Variants in CDK14 observed in about 807,000 individuals in gnomAD.
The protein encoded by CDK14 is cyclin-dependent kinase 14.
CDK14 carries 34 observed loss-of-function variants against 60.7 expected under a neutral mutation model. The ratio of observed to expected loss-of-function variants is 0.56; its 90% CI spans 0.43 to 0.75. The LOEUF (loss-of-function observed/expected upper bound fraction) is 0.75, where lower values mean the gene tolerates loss of function less well. Ranked by LOEUF, CDK14 falls within the 30% of genes least tolerant of loss-of-function variation. The probability of loss-of-function intolerance (pLI) is 0.00; values close to 1 mark genes in which losing one functional copy is unlikely to be tolerated. For missense variants in CDK14, 482 were observed against 564.1 expected (o/e 0.85, Z 1.47); for synonymous variants, 197 against 203.7 (o/e 0.97, Z 0.28).
rs1400888611 is a variant in CDK14, at chr7:90,987,810, CTGT to C, written c.1041+3570_1041+3572del. 2.0e-5 allele frequency among the ~76,000 whole-genome samples: 3 copies of C among 152,044 alleles called. No homozygotes were observed. In the East Asian group the frequency reaches 5.8e-4, roughly 29 times the overall value. On this transcript the variant is annotated intron_variant, in intron 10 of 14. Transcript: ENST00000380050. ...AGTAATTAGATCCACTTTAACAGGC[CTGT>C]AGTATAAACTGCCAGAGACTCTTTT...
rs142542898 is a variant in CDK14 at position 90,653,357 on chromosome 7, C to T, written c.123+49108C>T. ...GTGACCCGTTTTAATTTTTTTCAGT[C>T]TATTAACAGCTATATAATCAGATTT... On this transcript the variant is annotated intron_variant, in intron 2 of 14. Coordinates refer to ENST00000380050, the MANE Select transcript of CDK14 (RefSeq NM_001287135.2). Among the ~76,000 whole-genome samples the T allele has an allele frequency of 7.1e-3, 1,073 of 152,130 alleles. 5 individuals carry two copies. Among genetic ancestry groups the T allele is most frequent in the Non-Finnish European group, 0.012 (813 of 67,988 alleles).
chr7:91,050,396 A>C (rs757205143), intron 11 of CDK14, among the ~76,000 whole-genome samples: 4 of 151,892 alleles, frequency 2.6e-5, no homozygotes, highest in Non-Finnish European at 4.4e-5. Flanking sequence ...AGAACTCAAC[A>C]TGGTTTTCCC....
At chr7:90,895,785 A>G (rs1792318959) in intron 6 of CDK14, among the ~76,000 whole-genome samples, 1 of 132,320 alleles carries the variant, frequency 7.6e-6, no homozygotes, top group Non-Finnish European at 1.6e-5. Context: ...CATATTGCTC[A>G]GGCTGGTCTT....
intron 5 of CDK14, chr7:90,824,516 C>T (rs755355352): frequency 1.3e-5 from 2 of 152,162 alleles, no homozygotes; most frequent in Non-Finnish European, 2.9e-5. Context: ...TCTTAAATCT[C>T]AGCAGAAGAG....
At chr7:91,133,402 A>C (rs1264135443) in intron 14 of CDK14, among the ~76,000 whole-genome samples, 1 of 152,148 alleles carries the variant, frequency 6.6e-6, no homozygotes, top group Non-Finnish European at 1.5e-5. Flanking sequence ...GATAACAATG[A>C]AAAAAATGTT....
At chr7:90,836,944 G>A (rs552075862) in intron 5 of CDK14, among the ~76,000 whole-genome samples, 2 of 152,314 alleles carry the variant, frequency 1.3e-5, no homozygotes, top group African/African-American at 4.8e-5. Context: ...TGTACCTGCT[G>A]AGCAGCAAGT....
intron 11 of CDK14, among the ~76,000 whole-genome samples, chr7:91,049,053 T>A (rs965450324): frequency 5.3e-5 from 8 of 151,464 alleles, no homozygotes; most frequent in African/African-American, 1.5e-4. Context: ...ATTTTTTTTT[T>A]TAATATTTTG....
chr7:90,874,684 G>A lies in CDK14; in HGVS notation c.639+11415G>A, dbSNP rs1403879617. ...GCTGGGACTACAGGCGCCCGCCACC[G>A]TGCCCGGCTAATTTTTTGTATTTTT... On this transcript the variant is annotated intron_variant, in intron 6 of 14. Transcript: ENST00000380050. 6.0e-5 allele frequency among the ~76,000 whole-genome samples: 9 copies of A among 149,332 alleles called. No individual in the cohort carries two copies. The South Asian group carries it at 8.6e-4, about 14-fold the overall frequency.
At chr7:91,050,909 C>T (rs968684355) in intron 11 of CDK14, among the ~76,000 whole-genome samples, 2 of 152,112 alleles carry the variant, frequency 1.3e-5, no homozygotes, top group Non-Finnish European at 2.9e-5. Flanking sequence ...CCCATGTCTC[C>T]GTGGGTCTTA....
At chr7:90,766,888 C>A (rs1050993064) in intron 4 of CDK14, among the ~76,000 whole-genome samples, 2 of 152,126 alleles carry the variant, frequency 1.3e-5, no homozygotes, top group East Asian at 1.9e-4. Flanking sequence ...CCAGCTCTGC[C>A]GCTCTGGCTG....
chr7:90,767,010 C>T (rs1305139055), intron 4 of CDK14, among the ~76,000 whole-genome samples: 3 of 152,084 alleles, frequency 2.0e-5, no homozygotes, highest in Non-Finnish European at 2.9e-5. Flanking sequence ...TACCCTGGCT[C>T]CCCTCTGTCC....
At chr7:90,808,739 A>G (rs1203952979) in intron 5 of CDK14, among the ~76,000 whole-genome samples, 1 of 152,234 alleles carries the variant, frequency 6.6e-6, no homozygotes, top group Non-Finnish European at 1.5e-5. Flanking sequence ...GTGCAGAGAC[A>G]CACATAGGCT....
chr7:91,135,956 C>G (rs540389850), intron 14 of CDK14, among the ~76,000 whole-genome samples: 7 of 152,240 alleles, frequency 4.6e-5, no homozygotes, highest in African/African-American at 1.7e-4. Context: ...CCAACCTACA[C>G]TTGTGTCTTT....
chr7:90,779,852 G>A (rs1344491067), intron 4 of CDK14, among the ~76,000 whole-genome samples: 7 of 152,102 alleles, frequency 4.6e-5, no homozygotes, highest in African/African-American at 1.7e-4. Flanking sequence ...CAACTATACA[G>A]TATTAAAATA....
chr7:90,900,632 C>A (rs1792477090), intron 7 of CDK14, among the ~76,000 whole-genome samples: 2 of 152,152 alleles, frequency 1.3e-5, no homozygotes, highest in African/African-American at 4.8e-5. Flanking sequence ...CCCACTCTAT[C>A]CCTGAGAATG....
chr7:90,860,525 CTTTT>C (rs1240085824), intron 5 of CDK14, among the ~76,000 whole-genome samples: 1 of 129,314 alleles, frequency 7.7e-6, no homozygotes, highest in African/African-American at 2.9e-5. Flanking sequence ...TGTCTCATTC[CTTTT>C]TTTTTTTTTT....
intron 8 of CDK14, among the ~76,000 whole-genome samples, chr7:90,944,364 C>T (rs10250649): frequency 0.83 from 126,077 of 152,190 alleles, 52,379 homozygotes; most frequent in East Asian, 0.95. Context: ...TTGTCCTTGC[C>T]AGATATGTCA....
At chr7:90,803,527 T>C (rs1414267907) in intron 5 of CDK14, among the ~76,000 whole-genome samples, 4 of 152,112 alleles carry the variant, frequency 2.6e-5, no homozygotes, top group Non-Finnish European at 1.5e-5. Flanking sequence ...TCCAGGATTC[T>C]GGATTGGGTA....
At chr7:90,935,777 G>A (rs1030086042) in intron 8 of CDK14, among the ~76,000 whole-genome samples, 1 of 152,068 alleles carries the variant, frequency 6.6e-6, no homozygotes, top group African/African-American at 2.4e-5. Flanking sequence ...GGCTGGCCGT[G>A]GTGCCTCTCA....
Sources: gnomAD v4.1 joint callset for allele counts (sites outside exome capture counted in the v4.1 genomes callset) on GRCh38, gnomAD v4.1.1 for gene constraint, MANE v1.5 for transcripts, NCBI Gene and HGNC (gene_info 2026-07-23, HGNC 2026-07-21) for gene names.